Variants in CTIF observed in about 807,000 individuals in gnomAD.
The protein encoded by CTIF is CBP80/20-dependent translation initiation factor.
Under a neutral mutation model 66.0 loss-of-function variants are expected in CTIF, and 21 were observed. The ratio of observed to expected loss-of-function variants is 0.32; its 90% CI spans 0.23 to 0.46. The LOEUF (loss-of-function observed/expected upper bound fraction) is 0.46. Among genes scored for constraint, CTIF ranks in the 20% least tolerant of loss-of-function variants. CTIF has a pLI of 1.00. For synonymous variants in CTIF, 345 were observed against 326.4 expected (o/e 1.06, Z -0.62); for missense variants, 739 against 812.7 (o/e 0.91, Z 1.10).
At chr18:48,833,345 G>T (rs570963034) in intron 10 of CTIF, among the ~76,000 whole-genome samples, 13 of 152,322 alleles carry the variant, frequency 8.5e-5, no homozygotes, top group Admixed American at 5.9e-4. Context: ...GAGGGTAGCC[G>T]TGTGGGCTGC....
chr18:48,780,695 C>T (rs1040613269), intron 9 of CTIF, among the ~76,000 whole-genome samples: 9 of 152,232 alleles, frequency 5.9e-5, no homozygotes, highest in African/African-American at 2.2e-4. Flanking sequence ...CAGCCACTCT[C>T]CCAGGCTTCC....
chr18:48,575,574 C>T (rs1445780593), intron 1 of CTIF, among the ~76,000 whole-genome samples: 1 of 152,226 alleles, frequency 6.6e-6, no homozygotes, highest in Non-Finnish European at 1.5e-5. Context: ...CCCTGCAACC[C>T]CCAGCACAGG....
chr18:48,774,475 T>TG (rs564605996), intron 9 of CTIF, among the ~76,000 whole-genome samples: 6 of 151,918 alleles, frequency 3.9e-5, no homozygotes, highest in Non-Finnish European at 7.4e-5. Flanking sequence ...GCGGCCTCTT[T>TG]GGGGGGGACA....
At chr18:48,651,307 A>C (rs299733) in intron 3 of CTIF, among the ~76,000 whole-genome samples, 14,660 of 152,218 alleles carry the variant, frequency 0.096, 760 homozygotes, top group Non-Finnish European at 0.11. Flanking sequence ...AAGATCTATC[A>C]AGCAAATGGA....
intron 9 of CTIF, among the ~76,000 whole-genome samples, chr18:48,783,532 C>T (rs1911437793): frequency 6.6e-6 from 1 of 152,158 alleles, no homozygotes; most frequent in Non-Finnish European, 1.5e-5. Flanking sequence ...GCTCTCCTGG[C>T]ACTGAGGAGC....
rs528420916 is a variant in CTIF, at chr18:48,619,427, G to A, written c.-28-111G>A. 8.8e-6 allele frequency: 6 copies of A among 679,478 alleles called. No homozygotes were observed. In the African/African-American group the frequency reaches 1.1e-4, roughly 13 times the overall value. 42.1% of individuals were successfully genotyped at this position (679,478 alleles called of 1,614,324 possible). On this transcript the variant is annotated intron_variant, in intron 1 of 11. Coordinates refer to ENST00000256413, the MANE Select transcript of CTIF (RefSeq NM_014772.3). ...CTCAGGGTTGTTGGAAGAACAGAAC[G>A]CCATGATGGATAAGAAGATGCTTCC...
chr18:48,790,047 A>T (rs1446167768), intron 9 of CTIF, among the ~76,000 whole-genome samples: 1 of 152,196 alleles, frequency 6.6e-6, no homozygotes, highest in Non-Finnish European at 1.5e-5. Context: ...CATTGTGAAG[A>T]TGAAAGGAGC....
intron 9 of CTIF, among the ~76,000 whole-genome samples, chr18:48,797,927 G>A (rs2067963935): frequency 6.6e-6 from 1 of 152,180 alleles, no homozygotes; most frequent in Admixed American, 6.5e-5. Flanking sequence ...GCCCTCGGTG[G>A]TGGGCAAAGC....
intron 9 of CTIF, among the ~76,000 whole-genome samples, chr18:48,793,031 G>C (rs768406348): frequency 2.0e-5 from 3 of 152,172 alleles, no homozygotes; most frequent in Non-Finnish European, 4.4e-5. Flanking sequence ...TGGTACAAAG[G>C]CCACTTGGTG....
At chr18:48,540,880 C>A (rs78405373) in intron 1 of CTIF, among the ~76,000 whole-genome samples, 1 of 152,170 alleles carries the variant, frequency 6.6e-6, no homozygotes, top group African/African-American at 2.4e-5. Context: ...GAGAGGGGAC[C>A]GTGCGGCTGT....
At chr18:48,692,888 G>A (rs1168485516) in intron 6 of CTIF, among the ~76,000 whole-genome samples, 1 of 152,228 alleles carries the variant, frequency 6.6e-6, no homozygotes. Context: ...ACTGTGCAGT[G>A]TGGGAACCAC....
intron 6 of CTIF, among the ~76,000 whole-genome samples, chr18:48,699,392 ATGGGGCTGGGGC>A (rs61519043): frequency 1.1e-3 from 111 of 104,702 alleles, no homozygotes; most frequent in South Asian, 3.4e-3. Context: ...AAGTGCCAGC[ATGGGGCTGGGGC>A]TGGGGCTGGG....
Position 48,581,826 on chromosome 18 carries a change from G to A in CTIF, c.-28-37712G>A, listed in dbSNP as rs1226651528. ...AGGGAGGGACAGCAGACGGGAAGGAGTTAAAGTTCTCCACAAGGAAAAGTG... is the reference window on the plus strand; with the variant it reads ...AGGGAGGGACAGCAGACGGGAAGGAATTAAAGTTCTCCACAAGGAAAAGTG... On this transcript the variant is annotated intron_variant, in intron 1 of 11. Transcript: ENST00000256413. Among the ~76,000 whole-genome samples, 4 of 152,302 alleles carry A rather than the reference G, an allele frequency of 2.6e-5. No individual in the cohort carries two copies. In the East Asian group the frequency reaches 7.7e-4, roughly 29 times the overall value.
At chr18:48,594,634 G>C (rs762483733) in intron 1 of CTIF, among the ~76,000 whole-genome samples, 1 of 152,136 alleles carries the variant, frequency 6.6e-6, no homozygotes, top group Non-Finnish European at 1.5e-5. Context: ...GAAACACCAG[G>C]TGCACGTTGT....
intron 1 of CTIF, among the ~76,000 whole-genome samples, chr18:48,599,992 T>G (rs1470750578): frequency 6.6e-6 from 1 of 152,138 alleles, no homozygotes; most frequent in Non-Finnish European, 1.5e-5. Context: ...TTTGAGGGTG[T>G]GAGGTGAGAA....
chr18:48,541,448 G>T (rs1391108558), intron 1 of CTIF, among the ~76,000 whole-genome samples: 1 of 152,230 alleles, frequency 6.6e-6, no homozygotes, highest in East Asian at 1.9e-4. Context: ...GGGGCCGCCG[G>T]CTGTCCGTTC....
At chr18:48,773,869 G>A (rs556416448) in intron 9 of CTIF, among the ~76,000 whole-genome samples, 1 of 152,194 alleles carries the variant, frequency 6.6e-6, no homozygotes, top group Non-Finnish European at 1.5e-5. Context: ...CAGAGGGGGA[G>A]AGGAACAGGA....
intron 1 of CTIF, among the ~76,000 whole-genome samples, chr18:48,607,636 T>C (rs757647189): frequency 6.6e-5 from 10 of 152,100 alleles, no homozygotes; most frequent in Non-Finnish European, 1.5e-4. Context: ...CAGGAGCTCA[T>C]AGTTTAGCTG....
intron 3 of CTIF, among the ~76,000 whole-genome samples, chr18:48,641,681 T>C (rs980558857): frequency 6.6e-6 from 1 of 152,222 alleles, no homozygotes; most frequent in Non-Finnish European, 1.5e-5. Flanking sequence ...CAAGCACCTA[T>C]TCAGAAAAAC....
Sources: allele counts gnomAD v4.1 joint callset (sites outside exome capture counted in the v4.1 genomes callset), GRCh38; gene constraint gnomAD v4.1.1; transcripts MANE v1.5; gene names NCBI Gene and HGNC (gene_info 2026-07-23, HGNC 2026-07-21).